The following MYO16 variants were observed in gnomAD, a reference collection of about 807,000 sequenced individuals.
MYO16 encodes myosin XVI.
Under a neutral mutation model 205.3 loss-of-function variants are expected in MYO16, and 94 were observed. That is an observed-to-expected ratio of 0.46 (90% CI 0.39 to 0.54). The LOEUF is 0.54. Among genes scored for constraint, MYO16 ranks in the 20% least tolerant of loss-of-function variants. The pLI is 0.00. For missense variants in MYO16, 2,315 were observed against 2,387.5 expected, an observed-to-expected ratio of 0.97 and a Z score of 0.63; for synonymous variants, 988 against 954.0, an observed-to-expected ratio of 1.04 and a Z score of -0.66.
chr13:108,765,443 T>C (rs1885748405), intron 4 of MYO16, among the ~76,000 whole-genome samples: 1 of 152,236 alleles, frequency 6.6e-6, no homozygotes, highest in African/African-American at 2.4e-5. Context: ...CAGAGCTTGT[T>C]GGAAAATAAC....
chr13:108,913,222 A>G (rs1393692804), intron 16 of MYO16, among the ~76,000 whole-genome samples: 1 of 152,220 alleles, frequency 6.6e-6, no homozygotes, highest in Non-Finnish European at 1.5e-5. Context: ...AACATTTTCC[A>G]TGAAAATATT....
At chr13:109,059,067 C>A (rs1331263827) in intron 27 of MYO16, among the ~76,000 whole-genome samples, 1 of 152,018 alleles carries the variant, frequency 6.6e-6, no homozygotes, top group Non-Finnish European at 1.5e-5. Context: ...AATTTTGGTT[C>A]TATTGTTGTT....
At chr13:108,741,222 C>T (rs568601526) in intron 4 of MYO16, among the ~76,000 whole-genome samples, 1 of 152,190 alleles carries the variant, frequency 6.6e-6, no homozygotes. Flanking sequence ...TCTTCTGCGT[C>T]GCTCACGCTG....
intron 29 of MYO16, among the ~76,000 whole-genome samples, chr13:109,122,474 T>A (rs1465068531): frequency 1.6e-4 from 24 of 151,584 alleles, no homozygotes; most frequent in Admixed American, 1.6e-3. Flanking sequence ...TGGTTAGGAG[T>A]TTGAGACCAG....
chr13:108,532,394 T>C, the MYO16 span, among the ~76,000 whole-genome samples: 11 of 151,560 alleles, frequency 7.3e-5, no homozygotes, highest in Non-Finnish European at 1.5e-5. Context: ...AGAGTAGTGA[T>C]ATCAGGAGAA....
intron 10 of MYO16, among the ~76,000 whole-genome samples, chr13:108,847,174 C>T (rs1212108118): frequency 3.3e-5 from 5 of 152,186 alleles, no homozygotes; most frequent in Non-Finnish European, 5.9e-5. Context: ...AAATATAAGA[C>T]ATTCACGACA....
chr13:109,015,696 G>A lies in MYO16; in HGVS notation c.2596-4015G>A, dbSNP rs544511208. The stretch of plus-strand genomic sequence containing the variant: ...CTTCCTGGTTTAGTCTTGGGAGGGT[G>A]TATGTGTCCAGGAATTTATCCATTT... On this transcript the variant is annotated intron_variant, in intron 22 of 34. Transcript: ENST00000457511. Among the ~76,000 whole-genome samples, 36 of 152,256 alleles carry A rather than the reference G, an allele frequency of 2.4e-4. 1 individual carries two copies. The South Asian group carries it at 7.5e-3, about 32-fold the overall frequency.
upstream of MYO16, among the ~76,000 whole-genome samples, chr13:108,592,728 C>CTGTGTGTGTGTGTGTG (rs55845447): frequency 7.8e-3 from 1,081 of 139,350 alleles, 16 homozygotes; most frequent in African/African-American, 0.025. Flanking sequence ...GTGAGGGTGG[C>CTGTGTGTGTGTGTGTG]TGTGTGTGTG....
At chr13:108,577,401 A>G in the MYO16 span, among the ~76,000 whole-genome samples, 40 of 152,322 alleles carry the variant, frequency 2.6e-4, no homozygotes, top group African/African-American at 8.7e-4. Context: ...GTGTGCATAT[A>G]ATACACATAA....
the MYO16 span, among the ~76,000 whole-genome samples, chr13:108,567,039 T>C: frequency 6.6e-6 from 1 of 152,164 alleles, no homozygotes; most frequent in South Asian, 2.1e-4. Context: ...TATAATCTTG[T>C]AGGAGGTGAA....
At chr13:109,077,596 A>G (rs1888150987) in intron 27 of MYO16, among the ~76,000 whole-genome samples, 1 of 152,156 alleles carries the variant, frequency 6.6e-6, no homozygotes, top group Non-Finnish European at 1.5e-5. Flanking sequence ...TTAGGTCAAC[A>G]TATTTTTCTT....
At chr13:108,732,237 T>A (rs1406766396) in intron 4 of MYO16, among the ~76,000 whole-genome samples, 1 of 152,206 alleles carries the variant, frequency 6.6e-6, no homozygotes, top group Non-Finnish European at 1.5e-5. Flanking sequence ...TTATTAAATC[T>A]GTGGTAGCCG....
chr13:108,525,954 T>TTC, the MYO16 span, among the ~76,000 whole-genome samples: 2 of 151,346 alleles, frequency 1.3e-5, no homozygotes, highest in African/African-American at 4.9e-5. Flanking sequence ...TTTTTTTTTT[T>TTC]CTGGGGAGGG....
intron 28 of MYO16, chr13:109,101,944 T>G (rs1487217101): frequency 1.3e-5 from 2 of 152,170 alleles, no homozygotes; most frequent in Non-Finnish European, 2.9e-5. Flanking sequence ...AGTGGCCCAG[T>G]CTAAGTAAAA....
chr13:108,503,452 T>G, the MYO16 span, among the ~76,000 whole-genome samples: 1 of 152,058 alleles, frequency 6.6e-6, no homozygotes, highest in East Asian at 1.9e-4. Context: ...AAAGTTTTTT[T>G]TTTTTAAATA....
chr13:109,037,228 T>C (rs1028198206), intron 23 of MYO16, among the ~76,000 whole-genome samples: 3 of 152,248 alleles, frequency 2.0e-5, no homozygotes, highest in Non-Finnish European at 2.9e-5. Flanking sequence ...TTGTGCAGCT[T>C]TTCTTTGTTT....
rs117533918 is a variant in MYO16, at chr13:108,688,596, C to G, written c.292+22447C>G. On this transcript the variant is annotated intron_variant, in intron 2 of 34. Transcript: ENST00000457511. ...TCCTGAGTCTGTCAGGAACAGACTT[C>G]CCATAGGTTTCTTCATAAATAGATG... Among the ~76,000 whole-genome samples the G allele has an allele frequency of 8.1e-3, 1,237 of 152,240 alleles. 5 individuals are homozygous for G. Among genetic ancestry groups the G allele is most frequent in the Non-Finnish European group, 0.012 (826 of 68,020 alleles).
At chr13:108,544,487 G>A in the MYO16 span, among the ~76,000 whole-genome samples, 2 of 152,032 alleles carry the variant, frequency 1.3e-5, no homozygotes. Context: ...CGTGGAAGTG[G>A]GGTATTCATC....
chr13:108,607,623 T>C (rs1445082474), intron 1 of MYO16, among the ~76,000 whole-genome samples: 1 of 152,106 alleles, frequency 6.6e-6, no homozygotes, highest in Non-Finnish European at 1.5e-5. Context: ...CAGTCTTGGG[T>C]ATGTCTTCAT....
Sources: allele counts gnomAD v4.1 joint callset (sites outside exome capture counted in the v4.1 genomes callset), GRCh38; gene constraint gnomAD v4.1.1; transcripts MANE v1.5; gene names NCBI Gene and HGNC (gene_info 2026-07-23, HGNC 2026-07-21).